RALGAPA2: variants seen among roughly 807,000 people sequenced by gnomAD.
RALGAPA2 encodes the protein Ral GTPase activating protein catalytic subunit alpha 2.
RALGAPA2 carries 139 observed loss-of-function variants against 230.4 expected under a neutral mutation model. The ratio of observed to expected loss-of-function variants is 0.60; its 90% CI spans 0.53 to 0.69. The LOEUF (loss-of-function observed/expected upper bound fraction) is 0.69. Ranked by LOEUF, RALGAPA2 falls within the 30% of genes least tolerant of loss-of-function variation. The pLI is 0.00. For synonymous variants in RALGAPA2, 847 were observed against 837.8 expected, an observed-to-expected ratio of 1.01 and a Z score of -0.19; for missense variants, 2,163 against 2,276.0, an observed-to-expected ratio of 0.95 and a Z score of 1.01.
intron 10 of RALGAPA2, among the ~76,000 whole-genome samples, chr20:20,624,021 C>G (rs1398770517): frequency 6.6e-6 from 1 of 152,168 alleles, no homozygotes; most frequent in Non-Finnish European, 1.5e-5. Context: ...AGCTAAGCTG[C>G]TCTTTACACC....
intron 27 of RALGAPA2, among the ~76,000 whole-genome samples, chr20:20,530,248 G>C (rs541556519): frequency 6.6e-6 from 1 of 152,306 alleles, no homozygotes; most frequent in South Asian, 2.1e-4. Context: ...TCACAGGGCA[G>C]CTCTGCGGAT....
intron 35 of RALGAPA2, among the ~76,000 whole-genome samples, chr20:20,500,407 T>C (rs2062338804): frequency 1.3e-5 from 2 of 152,240 alleles, no homozygotes; most frequent in South Asian, 2.1e-4. Flanking sequence ...ATTTCAACAA[T>C]GTTCATAGCA....
intron 22 of RALGAPA2, 72 bp downstream of exon 22, chr20:20,571,776 T>C (rs978971399): frequency 6.7e-7 from 1 of 1,488,814 alleles, no homozygotes; most frequent in African/African-American, 1.4e-5. Context: ...TCTTGGGCAA[T>C]TACATTTTTC....
At chr20:20,648,403 G>A (rs924809206) in intron 4 of RALGAPA2, among the ~76,000 whole-genome samples, 1 of 151,796 alleles carries the variant, frequency 6.6e-6, no homozygotes, top group Non-Finnish European at 1.5e-5. Context: ...ACTTTCGGGG[G>A]TAGTACCTAT....
At chr20:20,396,641 A>AC (rs2059724670) in intron 39 of RALGAPA2, 54 bp downstream of exon 39, 2 of 1,520,656 alleles carry the variant, frequency 1.3e-6, no homozygotes, top group Non-Finnish European at 1.8e-6. Context: ...GAAAAGTCCC[A>AC]CCCCCTCCCC....
chr20:20,393,248 G>A lies in RALGAPA2; in HGVS notation c.*41C>T, dbSNP rs1231884892. ...AGGTCAGCACTCAGACTGGAGGCCA[G>A]GGCCCCTGCAAAGGAAGCAGAGAAC... On this transcript the variant is annotated 3_prime_UTR_variant, in exon 40 of 40. Coordinates refer to ENST00000202677, the MANE Select transcript of RALGAPA2 (RefSeq NM_020343.4). 1 of 1,347,680 alleles carries A rather than the reference G, an allele frequency of 7.4e-7. No individual in the cohort carries two copies. The highest frequency in any genetic ancestry group is 2.0e-5 in the Admixed American group (1 of 49,956). The allele number at this position is 1,347,680 out of a possible 1,614,324, so 83.5% of individuals were successfully genotyped here. A position where few individuals can be genotyped will look rare whatever the true frequency, so the allele number is the denominator to read the frequency against.
At chr20:20,684,872 AATGAATAAC>A (rs1457164628) in intron 1 of RALGAPA2, among the ~76,000 whole-genome samples, 1 of 152,238 alleles carries the variant, frequency 6.6e-6, no homozygotes, top group African/African-American at 2.4e-5. Context: ...ACATTTGTTA[AATGAATAAC>A]CAAATAACAA....
chr20:20,571,087 T>C (rs1602863239), intron 23 of RALGAPA2, among the ~76,000 whole-genome samples: 1 of 152,172 alleles, frequency 6.6e-6, no homozygotes. Flanking sequence ...AAAACAACAA[T>C]TTTCAAACAT....
At chr20:20,586,875 C>T (rs1026434528) in intron 18 of RALGAPA2, among the ~76,000 whole-genome samples, 1 of 151,910 alleles carries the variant, frequency 6.6e-6, no homozygotes, top group African/African-American at 2.4e-5. Context: ...TATTTCCACC[C>T]AGAATTCCAG....
At chr20:20,440,692 C>A (rs1448294965) in intron 37 of RALGAPA2, among the ~76,000 whole-genome samples, 1 of 152,214 alleles carries the variant, frequency 6.6e-6, no homozygotes, top group Non-Finnish European at 1.5e-5. Context: ...TCCACTGTAA[C>A]AATCAGACAG....
intron 34 of RALGAPA2, among the ~76,000 whole-genome samples, chr20:20,504,387 T>C (rs991466194): frequency 5.3e-5 from 8 of 152,166 alleles, no homozygotes; most frequent in Non-Finnish European, 8.8e-5. Context: ...TTGCTAGCAC[T>C]GAGCTCTCAA....
intron 20 of RALGAPA2, among the ~76,000 whole-genome samples, chr20:20,578,781 C>A (rs927412348): frequency 2.6e-5 from 4 of 152,144 alleles, no homozygotes; most frequent in African/African-American, 7.2e-5. Context: ...AAAATTCAGG[C>A]CTGGCCTGGA....
chr20:20,589,341 T>C lies in RALGAPA2; in HGVS notation c.2366A>G (p.Asn789Ser), dbSNP rs749540838. 3.8e-6 allele frequency: 6 copies of C among 1,589,770 alleles called. No individual in the cohort carries two copies. In the Admixed American group the frequency reaches 1.1e-4, roughly 28 times the overall value. Residue 789 changes from asparagine to serine, a missense_variant, in exon 18 of 40, where the codon AAT becomes AGT. Asn to Ser is a conservative substitution (Grantham distance 46, BLOSUM62 1). Transcript: ENST00000202677. ...SQGQKAENTQ[N>S]SSSSEPQPIQ... is the part of the protein sequence containing the mutation. ...AGGCTGAGGCTCTGAAGAACTCGAA[T>C]TCTGTGTGTTTTCTGCCTTTTGACC... is the stretch of plus-strand genomic sequence containing the variant.
chr20:20,626,738 T>C (rs1277499052), intron 10 of RALGAPA2, among the ~76,000 whole-genome samples: 1 of 152,252 alleles, frequency 6.6e-6, no homozygotes, highest in Admixed American at 6.5e-5. Flanking sequence ...AATGTTACTA[T>C]AGATCAGAGT....
intron 29 of RALGAPA2, 66 bp downstream of exon 29, chr20:20,524,760 ATTAT>A (rs2063149827): frequency 2.2e-6 from 3 of 1,390,814 alleles, no homozygotes; most frequent in Admixed American, 2.6e-5. Context: ...TAGTTGTAAC[ATTAT>A]TTATCATTTT....
chr20:20,601,788 C>T lies in RALGAPA2; in HGVS notation c.2097G>A (p.Trp699Ter). ...GTTCGGTCACATCTGGGTGGCTCCG[C>T]CAGCTGAGAGAAAAGGACCTCCCCA... ...TTVGRSFSLS[W>*]RSHPDVTEPM... Residue 699 changes from tryptophan (W) to a stop codon, truncating the protein, a stop_gained, in exon 16 of 40, where the codon TGG becomes TGA. Transcript: ENST00000202677. LOFTEE classifies it high-confidence loss of function. The T allele has an allele frequency of 6.2e-7, 1 of 1,613,518 alleles. No individual in the cohort carries two copies. The highest frequency in any genetic ancestry group is 8.5e-7 in the Non-Finnish European group (1 of 1,179,620).
intron 37 of RALGAPA2, among the ~76,000 whole-genome samples, chr20:20,466,759 A>G (rs1224796536): frequency 6.6e-6 from 1 of 152,140 alleles, no homozygotes; most frequent in Non-Finnish European, 1.5e-5. Flanking sequence ...TCTGTGGCCA[A>G]CCGAAATCCT....
chr20:20,592,343 G>A (rs959745974), intron 16 of RALGAPA2, among the ~76,000 whole-genome samples: 1 of 152,104 alleles, frequency 6.6e-6, no homozygotes, highest in Admixed American at 6.5e-5. Flanking sequence ...AGGTACTCTA[G>A]CTCACTTTAG....
intron 2 of RALGAPA2, among the ~76,000 whole-genome samples, chr20:20,676,822 T>C (rs756015857): frequency 7.9e-5 from 12 of 152,316 alleles, no homozygotes; most frequent in East Asian, 1.9e-4. Context: ...TCATTTAATA[T>C]AGGAATCAAC....
Sources: allele counts gnomAD v4.1 joint callset (sites outside exome capture counted in the v4.1 genomes callset), GRCh38; gene constraint gnomAD v4.1.1; transcripts MANE v1.5; gene names NCBI Gene and HGNC (gene_info 2026-07-23, HGNC 2026-07-21).